Variants in FHIT observed in about 807,000 individuals in gnomAD.
FHIT encodes the protein bis(5'-adenosyl)-triphosphatase.
In FHIT, 19 loss-of-function variants were observed where a neutral mutation model predicts 17.9. The observed-to-expected ratio is 1.06, with a 90% CI of 0.74 to 1.56. The LOEUF (loss-of-function observed/expected upper bound fraction) is 1.56, where lower values mean the gene tolerates loss of function less well. Among genes scored for constraint, FHIT ranks in the 40% most tolerant of loss-of-function variants. The pLI, the probability that FHIT is intolerant of heterozygous loss-of-function variation, is 0.00. For synonymous variants in FHIT, 81 were observed against 69.7 expected, an observed-to-expected ratio of 1.16 and a Z score of -0.81; for missense variants, 248 against 189.2, an observed-to-expected ratio of 1.31 and a Z score of -1.82.
chr3:61,251,238 G>T (rs1191366595), intron 1 of FHIT, 63 bp downstream of exon 1: 2 of 152,280 alleles, frequency 1.3e-5, no homozygotes, highest in East Asian at 3.9e-4. Flanking sequence ...CCTGACGCGC[G>T]TGGAAACCCA....
intron 5 of FHIT, among the ~76,000 whole-genome samples, chr3:60,168,086 T>C (rs1044937586): frequency 4.6e-5 from 7 of 152,158 alleles, no homozygotes; most frequent in Admixed American, 3.3e-4. Flanking sequence ...CAAGTTGCTA[T>C]AGTTAACTAT....
At chr3:60,437,211 T>C (rs892438554) in intron 5 of FHIT, among the ~76,000 whole-genome samples, 1 of 152,096 alleles carries the variant, frequency 6.6e-6, no homozygotes, top group African/African-American at 2.4e-5. Context: ...AAATAAATCG[T>C]AGACATGTGG....
intron 5 of FHIT, among the ~76,000 whole-genome samples, chr3:60,441,044 G>A (rs1054222244): frequency 2.0e-5 from 3 of 151,932 alleles, no homozygotes; most frequent in Non-Finnish European, 2.9e-5. Flanking sequence ...CACCCCTTTT[G>A]TTTTTGCTTT....
intron 8 of FHIT, among the ~76,000 whole-genome samples, chr3:59,904,226 T>C (rs2107099222): frequency 1.2e-5 from 1 of 80,194 alleles, no homozygotes; most frequent in South Asian, 4.5e-4. Context: ...AAAATCATGG[T>C]TAAAAAAAAA....
chr3:60,344,814 C>A (rs1446234967), intron 5 of FHIT, among the ~76,000 whole-genome samples: 4 of 152,034 alleles, frequency 2.6e-5, no homozygotes, highest in African/African-American at 9.7e-5. Context: ...CAGTCCATCA[C>A]CCACTTCAAA....
chr3:61,126,044 T>G (rs2036595991), intron 2 of FHIT, among the ~76,000 whole-genome samples: 1 of 152,186 alleles, frequency 6.6e-6, no homozygotes, highest in Admixed American at 6.5e-5. Context: ...TTCAACAGTG[T>G]GGAGCTGGGG....
At chr3:60,148,017 T>C (rs1271268366) in intron 5 of FHIT, among the ~76,000 whole-genome samples, 1 of 152,208 alleles carries the variant, frequency 6.6e-6, no homozygotes, top group African/African-American at 2.4e-5. Context: ...TAAATTATTC[T>C]TTCCATGGGA....
intron 4 of FHIT, among the ~76,000 whole-genome samples, chr3:60,695,176 C>T (rs2041086978): frequency 6.6e-6 from 1 of 152,138 alleles, no homozygotes; most frequent in African/African-American, 2.4e-5. Context: ...AGGTGAATCA[C>T]CTAAGGTCAG....
rs535300627 is a variant in FHIT, at chr3:61,112,889, T to A, written c.-163-70790A>T. 4.6e-5 allele frequency among the ~76,000 whole-genome samples: 7 copies of A among 152,326 alleles called. No homozygotes were observed. In the South Asian group the frequency reaches 1.5e-3, roughly 32 times the overall value. On this transcript the variant is annotated intron_variant, in intron 2 of 9. Coordinates refer to ENST00000492590, the MANE Select transcript of FHIT (RefSeq NM_002012.4). Reference sequence around the variant, plus strand: ...CAAAATTTACCAAACAAACAGTGCCTCCAAGGCTTCTAGTTGTTTCTGTTT... The same window carrying A: ...CAAAATTTACCAAACAAACAGTGCCACCAAGGCTTCTAGTTGTTTCTGTTT...
intron 5 of FHIT, among the ~76,000 whole-genome samples, chr3:60,473,503 T>C (rs1352011204): frequency 1.3e-5 from 2 of 152,128 alleles, no homozygotes; most frequent in African/African-American, 4.8e-5. Context: ...GAGAAAAATA[T>C]TGCCAGGCTT....
At chr3:61,127,512 G>T (rs577762500) in intron 2 of FHIT, among the ~76,000 whole-genome samples, 1 of 152,222 alleles carries the variant, frequency 6.6e-6, no homozygotes, top group African/African-American at 2.4e-5. Flanking sequence ...AATAGAAGCA[G>T]AAAACAAACC....
chr3:60,519,994 T>C (rs78483176), intron 5 of FHIT, among the ~76,000 whole-genome samples: 2,798 of 152,294 alleles, frequency 0.018, 97 homozygotes, highest in African/African-American at 0.064. Flanking sequence ...ACAAGGTGGC[T>C]ACAAATTTCT....
intron 4 of FHIT, among the ~76,000 whole-genome samples, chr3:60,597,158 G>A (rs573366943): frequency 6.6e-6 from 1 of 152,168 alleles, no homozygotes; most frequent in Admixed American, 6.5e-5. Flanking sequence ...GTTGGGGGAG[G>A]AGAAAGTGTA....
chr3:60,138,498 T>C (rs1699907536), intron 5 of FHIT, among the ~76,000 whole-genome samples: 1 of 152,164 alleles, frequency 6.6e-6, no homozygotes, highest in South Asian at 2.1e-4. Context: ...AGTGCACAAG[T>C]TAATAATAAC....
At chr3:59,969,130 C>T (rs1459922390) in intron 7 of FHIT, among the ~76,000 whole-genome samples, 1 of 152,154 alleles carries the variant, frequency 6.6e-6, no homozygotes, top group African/African-American at 2.4e-5. Flanking sequence ...AATTATCCTT[C>T]ACTCGTAGGG....
At chr3:60,587,163 T>TA (rs2107688961) in intron 4 of FHIT, among the ~76,000 whole-genome samples, 1 of 151,996 alleles carries the variant, frequency 6.6e-6, no homozygotes, top group South Asian at 2.1e-4. Flanking sequence ...CACGGAATAC[T>TA]ATGCAGCCAA....
At chr3:59,944,233 C>T (rs1706681632) in intron 7 of FHIT, among the ~76,000 whole-genome samples, 1 of 152,118 alleles carries the variant, frequency 6.6e-6, no homozygotes, top group Admixed American at 6.6e-5. Flanking sequence ...ATATCAAACC[C>T]AGGACACTGA....
intron 5 of FHIT, among the ~76,000 whole-genome samples, chr3:60,241,170 T>A: frequency 6.6e-6 from 1 of 152,266 alleles, no homozygotes; most frequent in Middle Eastern, 3.4e-3. Flanking sequence ...GGATTCCATT[T>A]CTTAAAAGAC....
At chr3:60,288,930 G>A (rs920197632) in intron 5 of FHIT, among the ~76,000 whole-genome samples, 1 of 152,234 alleles carries the variant, frequency 6.6e-6, no homozygotes, top group South Asian at 2.1e-4. Context: ...CTATTGGTGA[G>A]AAAGTCACAA....
Sources: gnomAD v4.1 joint callset for allele counts (sites outside exome capture counted in the v4.1 genomes callset) on GRCh38, gnomAD v4.1.1 for gene constraint, MANE v1.5 for transcripts, NCBI Gene and HGNC (gene_info 2026-07-23, HGNC 2026-07-21) for gene names.